Variants in CITED4 observed in about 807,000 individuals in gnomAD.
CITED4 encodes cbp/p300-interacting transactivator 4.
CITED4 carries 3 observed loss-of-function variants against 3.3 expected under a neutral mutation model. The ratio of observed to expected loss-of-function variants is 0.92; its 90% confidence interval spans 0.42 to 2.38. The LOEUF (loss-of-function observed/expected upper bound fraction) is 2.38, where lower values mean the gene tolerates loss of function less well. Ranked by LOEUF, CITED4 falls within the 30% of genes most tolerant of loss-of-function variation. The pLI, the probability that CITED4 is intolerant of heterozygous loss-of-function variation, is 0.05. For missense variants in CITED4, 333 were observed against 274.2 expected (o/e 1.21, Z -1.51); for synonymous variants, 167 against 145.8 (o/e 1.15, Z -1.05).
In CITED4 at chr1:40,862,023, G is replaced by T. The variant is rs1649396671; in HGVS notation, c.105C>A (p.Tyr35Ter). The stretch of plus-strand genomic sequence containing the variant: ...GCCCACTGTCCAGGCCCGGGCCCGC[G>T]TACGGCGGCAGAGTCCGGAGCGCAT... Reference protein sequence around the residue: ...GPHALRTLPPYAGPGLDSGLR... With the variant: ...GPHALRTLPP Residue 35 changes from tyrosine to a stop codon, truncating the protein, a stop_gained, in exon 1 of 1, where the codon TAC becomes TAA. Transcript: ENST00000372638. LOFTEE classifies it low-confidence loss of function (END_TRUNC). 7.7e-7 allele frequency: 1 copy of T among 1,303,856 alleles called. No homozygotes were observed. The highest frequency in any genetic ancestry group is 9.7e-7 in the Non-Finnish European group (1 of 1,025,672). The allele number at this position is 1,303,856 out of a possible 1,614,324, so 80.8% of individuals were successfully genotyped here.
rs1649370666 is a variant in CITED4, at chr1:40,861,442, G to C, written c.*131C>G. ...ACGCCAGGGTCCCAGTCCGGTGCCG[G>C]GCCCTGCGCACACAGCCGCCGCCTC... On this transcript the variant is annotated 3_prime_UTR_variant, in exon 1 of 1. Transcript: ENST00000372638. 2.3e-6 allele frequency: 1 copy of C among 430,724 alleles called. No homozygotes were observed. The highest frequency in any genetic ancestry group is 4.7e-5 in the Admixed American group (1 of 21,252). The allele number at this position is 430,724 out of a possible 1,614,324, so 26.7% of individuals were successfully genotyped here.
In CITED4 at chr1:40,861,630, C is replaced by T; in HGVS notation, c.498G>A (p.Glu166=). The T allele has an allele frequency of 1.3e-6, 2 of 1,499,218 alleles. No individual in the cohort carries two copies. The highest frequency in any genetic ancestry group is 1.8e-6 in the Non-Finnish European group (2 of 1,129,754). 92.9% of individuals were successfully genotyped at this position (1,499,218 alleles called of 1,614,324 possible). A position where few individuals can be genotyped will look rare whatever the true frequency, so the allele number is the denominator to read the frequency against. The change falls in exon 1 of 1, where the codon GAG becomes GAA. Residue 166 remains glutamate (E), a synonymous_variant. Coordinates refer to ENST00000372638, the MANE Select transcript of CITED4 (RefSeq NM_133467.3). The part of the protein sequence containing the change: ...ELPELFLGQS[E]FDCFSDLGSA... Reference sequence around the variant, plus strand: ...ACCCCAAGTCCGAGAAGCAGTCGAACTCGCTCTGGCCCAGGAAGAGCTCGG... The same window carrying T: ...ACCCCAAGTCCGAGAAGCAGTCGAATTCGCTCTGGCCCAGGAAGAGCTCGG...
In CITED4 at chr1:40,861,757, G is replaced by GGCGGCGGGGCT; in HGVS notation, c.360_370dup (p.Pro124GlnfsTer23). On this transcript the variant is annotated frameshift_variant, in exon 1 of 1. Coordinates refer to ENST00000372638, the MANE Select transcript of CITED4 (RefSeq NM_133467.3). LOFTEE classifies it high-confidence loss of function. The stretch of plus-strand genomic sequence containing the variant: ...CATGCCGCCCAGGGCGTGCGCGGGC[G>GGCGGCGGGGCT]GCGGCGGGGCTGCGGCGCTTGGCGC... The GGCGGCGGGGCT allele has an allele frequency of 8.0e-7, 1 of 1,243,990 alleles. No homozygotes were observed. The highest frequency in any genetic ancestry group is 1.0e-6 in the Non-Finnish European group (1 of 988,986). The allele number at this position is 1,243,990 out of a possible 1,614,324, so 77.1% of individuals were successfully genotyped here.
chr1:40,861,503 T>C lies in CITED4; in HGVS notation c.*70A>G, dbSNP rs1279612180. 10 of 1,009,690 alleles carry C rather than the reference T, an allele frequency of 9.9e-6. No individual in the cohort carries two copies. In the African/African-American group the frequency reaches 1.5e-4, roughly 16 times the overall value. The allele number at this position is 1,009,690 out of a possible 1,614,324, so 62.5% of individuals were successfully genotyped here. ...GAGGGCGCGCGCGGGGCCCAGTCGC[T>C]GGGTGCAGGGTCCGGCGGGCAGTCG... On this transcript the variant is annotated 3_prime_UTR_variant, in exon 1 of 1. Transcript: ENST00000372638.
Position 40,861,867 on chromosome 1 carries a change from C to T in CITED4, c.261G>A (p.Ala87=). 1 of 1,210,856 alleles carries T rather than the reference C, an allele frequency of 8.3e-7. No individual in the cohort carries two copies. The highest frequency in any genetic ancestry group is 1.0e-6 in the Non-Finnish European group (1 of 970,064). 75.0% of individuals were successfully genotyped at this position (1,210,856 alleles called of 1,614,324 possible). Residue 87 remains alanine (A), a synonymous_variant, in exon 1 of 1, where the codon GCG becomes GCA. Coordinates refer to ENST00000372638, the MANE Select transcript of CITED4 (RefSeq NM_133467.3). ...PAVPPPAAGI[A]HLQPVATPYP... ...ACGGCGTCGCCACAGGCTGCAGGTGCGCGATGCCCGCGGCCGGCGGAGGCA... is the reference window on the plus strand; with the variant it reads ...ACGGCGTCGCCACAGGCTGCAGGTGTGCGATGCCCGCGGCCGGCGGAGGCA...
Position 40,861,957 on chromosome 1 carries a change from G to T in CITED4, c.171C>A (p.Arg57=), listed in dbSNP as rs1649393344. The T allele has an allele frequency of 8.0e-7, 1 of 1,243,840 alleles. No individual in the cohort carries two copies. The highest frequency in any genetic ancestry group is 1.0e-6 in the Non-Finnish European group (1 of 993,836). The allele number at this position is 1,243,840 out of a possible 1,614,324, so 77.1% of individuals were successfully genotyped here. Residue 57 remains arginine (R), a synonymous_variant, in exon 1 of 1, where the codon CGC becomes CGA. Coordinates refer to ENST00000372638, the MANE Select transcript of CITED4 (RefSeq NM_133467.3). The part of the protein sequence containing the change: ...RGAPLGPPPP[R]QPGALAYGAF... Reference sequence around the variant, plus strand: ...CCCCGTACGCCAGGGCCCCGGGTTGGCGGGGCGGCGGCGGCCCCAGCGGAG... The same window carrying T: ...CCCCGTACGCCAGGGCCCCGGGTTGTCGGGGCGGCGGCGGCCCCAGCGGAG...
rs1649404781 is a variant in CITED4 at position 40,862,258 on chromosome 1, A to C, written c.-131T>G. 2.1e-6 allele frequency: 1 copy of C among 477,478 alleles called. No individual in the cohort carries two copies. 29.6% of individuals were successfully genotyped at this position (477,478 alleles called of 1,614,324 possible). A position where few individuals can be genotyped will look rare whatever the true frequency, so the allele number is the denominator to read the frequency against. On this transcript the variant is annotated 5_prime_UTR_variant, in exon 1 of 1. Transcript: ENST00000372638. The stretch of plus-strand genomic sequence containing the variant: ...TCCCTGCAGCTCGGCCGGGCGGAGC[A>C]AAACCAAACCCGACTGGTGCCCCGG...
rs1259070742 is a variant in CITED4, at chr1:40,861,293, G to C, written c.*280C>G. The C allele has an allele frequency of 2.2e-5, 5 of 223,210 alleles. No individual in the cohort carries two copies. Among genetic ancestry groups the C allele is most frequent in the Non-Finnish European group, 4.4e-5 (5 of 114,068 alleles). 13.8% of individuals were successfully genotyped at this position (223,210 alleles called of 1,614,324 possible). On this transcript the variant is annotated 3_prime_UTR_variant, in exon 1 of 1. Coordinates refer to ENST00000372638, the MANE Select transcript of CITED4 (RefSeq NM_133467.3). ...GGGAAGAGGGCGGCGAGGGGGAGAG[G>C]ACACGATCCAAGAACCAGAGTCCGA...
rs1649397715 is a variant in CITED4, at chr1:40,862,051, G to A, written c.77C>T (p.Pro26Leu). The A allele has an allele frequency of 1.5e-6, 2 of 1,321,920 alleles. No individual in the cohort carries two copies. Among genetic ancestry groups the A allele is most frequent in the Non-Finnish European group, 1.9e-6 (2 of 1,034,696 alleles). The allele number at this position is 1,321,920 out of a possible 1,614,324, so 81.9% of individuals were successfully genotyped here. A position where few individuals can be genotyped will look rare whatever the true frequency, so the allele number is the denominator to read the frequency against. ...CGGCGGCAGAGTCCGGAGCGCATGA[G>A]GGCCATGGGCGGCCGCGGCGGACGG... The part of the protein sequence containing the change: ...RPPSAAAAHG[P>L]HALRTLPPYA... Residue 26 changes from proline (P) to leucine (L), a missense_variant, in exon 1 of 1, where the codon CCT (proline) becomes CTT (leucine). Physicochemically the swap from Pro to Leu is moderately conservative, Grantham distance 98. Coordinates refer to ENST00000372638, the MANE Select transcript of CITED4 (RefSeq NM_133467.3).
chr1:40,861,656 G>T lies in CITED4; in HGVS notation c.472C>A (p.Pro158Thr). ...TCGCTCTGGCCCAGGAAGAGCTCGG[G>T]CAGCTCGCGCACGCGGTGCAGCCCG... is the stretch of plus-strand genomic sequence containing the variant. ...ELGLHRVREL[P>T]ELFLGQSEFD... is the part of the protein sequence containing the mutation. The change falls in exon 1 of 1, where the codon CCC becomes ACC. Residue 158 changes from proline to threonine, a missense_variant. Coordinates refer to ENST00000372638, the MANE Select transcript of CITED4 (RefSeq NM_133467.3). 6.6e-7 allele frequency: 1 copy of T among 1,504,414 alleles called. No individual in the cohort carries two copies. The highest frequency in any genetic ancestry group is 1.4e-5 in the African/African-American group (1 of 69,020). 93.2% of individuals were successfully genotyped at this position (1,504,414 alleles called of 1,614,324 possible).
rs1401704621 is a variant in CITED4, at chr1:40,862,065, CGCGGCGGACG to C, written c.53_62del (p.Pro18ArgfsTer24). ...GGAGCGCATGAGGGCCATGGGCGGCCGCGGCGGACGGCGGCCTCTGCACCAGGCGGTAGCC... is the reference window on the plus strand; with the variant it reads ...GGAGCGCATGAGGGCCATGGGCGGCCGCGGCCTCTGCACCAGGCGGTAGCC... On this transcript the variant is annotated frameshift_variant, in exon 1 of 1. Transcript: ENST00000372638. LOFTEE classifies it low-confidence loss of function (END_TRUNC). The C allele has an allele frequency of 3.8e-6, 5 of 1,323,208 alleles. No homozygotes were observed. Among genetic ancestry groups the C allele is most frequent in the African/African-American group, 1.5e-5 (1 of 64,822 alleles). The allele number at this position is 1,323,208 out of a possible 1,614,324, so 82.0% of individuals were successfully genotyped here. A position where few individuals can be genotyped will look rare whatever the true frequency, so the allele number is the denominator to read the frequency against.
Position 40,862,092 on chromosome 1 carries a change from G to A in CITED4, c.36C>T (p.Arg12=). 1 of 1,315,032 alleles carries A rather than the reference G, an allele frequency of 7.6e-7. No homozygotes were observed. The highest frequency in any genetic ancestry group is 9.7e-7 in the Non-Finnish European group (1 of 1,034,052). The allele number at this position is 1,315,032 out of a possible 1,614,324, so 81.5% of individuals were successfully genotyped here. A position where few individuals can be genotyped will look rare whatever the true frequency, so the allele number is the denominator to read the frequency against. ...ADHLMLAEGY[R]LVQRPPSAAA... ...CGGCGGACGGCGGCCTCTGCACCAG[G>A]CGGTAGCCCTCGGCGAGCATCAGGT... The change falls in exon 1 of 1, where the codon CGC becomes CGT. Residue 12 remains arginine, a synonymous_variant. Transcript: ENST00000372638.
At position 40,861,951 on chromosome 1, in the gene CITED4, G is replaced by T. The variant is rs1161753527; in HGVS notation, c.177C>A (p.Pro59=). ...APLGPPPPRQ[P]GALAYGAFGP... is the part of the protein sequence containing the mutation. Reference sequence around the variant, plus strand: ...CGAAGGCCCCGTACGCCAGGGCCCCGGGTTGGCGGGGCGGCGGCGGCCCCA... The same window carrying T: ...CGAAGGCCCCGTACGCCAGGGCCCCTGGTTGGCGGGGCGGCGGCGGCCCCA... Residue 59 remains proline, a synonymous_variant, in exon 1 of 1, where the codon CCC becomes CCA. Coordinates refer to ENST00000372638, the MANE Select transcript of CITED4 (RefSeq NM_133467.3). The T allele has an allele frequency of 3.2e-6, 4 of 1,244,798 alleles. No homozygotes were observed. Among genetic ancestry groups the T allele is most frequent in the Non-Finnish European group, 4.0e-6 (4 of 994,190 alleles). The allele number at this position is 1,244,798 out of a possible 1,614,324, so 77.1% of individuals were successfully genotyped here. A position where few individuals can be genotyped will look rare whatever the true frequency, so the allele number is the denominator to read the frequency against.
Position 40,862,026 on chromosome 1 carries a change from C to G in CITED4, c.102G>C (p.Pro34=). The stretch of plus-strand genomic sequence containing the variant: ...CACTGTCCAGGCCCGGGCCCGCGTA[C>G]GGCGGCAGAGTCCGGAGCGCATGAG... ...HGPHALRTLP[P]YAGPGLDSGL... is the part of the protein sequence containing the mutation. The change falls in exon 1 of 1, where the codon CCG becomes CCC. Residue 34 remains proline (P), a synonymous_variant. Coordinates refer to ENST00000372638, the MANE Select transcript of CITED4 (RefSeq NM_133467.3). 7.7e-7 allele frequency: 1 copy of G among 1,305,476 alleles called. No homozygotes were observed. The highest frequency in any genetic ancestry group is 9.7e-7 in the Non-Finnish European group (1 of 1,026,288). 80.9% of individuals were successfully genotyped at this position (1,305,476 alleles called of 1,614,324 possible).
At position 40,862,139 on chromosome 1, in the gene CITED4, G is replaced by C. The variant is rs1173559732; in HGVS notation, c.-12C>G. ...AGGTGGTCGGCCATGGCGGCAGGCC[G>C]GCTGCCTGCGGGGACAGCGCGCGGT... On this transcript the variant is annotated 5_prime_UTR_variant, in exon 1 of 1. Transcript: ENST00000372638. 1.6e-6 allele frequency: 2 copies of C among 1,267,450 alleles called. No individual in the cohort carries two copies. The highest frequency in any genetic ancestry group is 2.0e-6 in the Non-Finnish European group (2 of 1,007,626). The allele number at this position is 1,267,450 out of a possible 1,614,324, so 78.5% of individuals were successfully genotyped here.
In CITED4 at chr1:40,862,353, G is replaced by A. The variant is rs917170099; in HGVS notation, c.-226C>T. The A allele has an allele frequency of 1.6e-5, 5 of 321,636 alleles. No homozygotes were observed. Among genetic ancestry groups the A allele is most frequent in the African/African-American group, 6.5e-5 (3 of 46,004 alleles). 19.9% of individuals were successfully genotyped at this position (321,636 alleles called of 1,614,324 possible). ...AAAGGCCCGCAACCTGTAGTGCTCCGAAACCTCCGCGTCGCGTAGCTGGGC... is the reference window on the plus strand; with the variant it reads ...AAAGGCCCGCAACCTGTAGTGCTCCAAAACCTCCGCGTCGCGTAGCTGGGC... On this transcript the variant is annotated 5_prime_UTR_variant, in exon 1 of 1. Transcript: ENST00000372638.
In CITED4 at chr1:40,862,258, A is replaced by AT. The variant is rs576287844; in HGVS notation, c.-132_-131insA. 358 of 477,588 alleles carry AT rather than the reference A, an allele frequency of 7.5e-4. 1 individual carries two copies. Among genetic ancestry groups the AT allele is most frequent in the African/African-American group, 6.5e-3 (318 of 49,100 alleles). The allele number at this position is 477,588 out of a possible 1,614,324, so 29.6% of individuals were successfully genotyped here. Reference sequence around the variant, plus strand: ...TCCCTGCAGCTCGGCCGGGCGGAGCAAAACCAAACCCGACTGGTGCCCCGG... The same window carrying AT: ...TCCCTGCAGCTCGGCCGGGCGGAGCATAAACCAAACCCGACTGGTGCCCCGG... On this transcript the variant is annotated 5_prime_UTR_variant, in exon 1 of 1. The change creates a new upstream start codon in the 5' untranslated region. Coordinates refer to ENST00000372638, the MANE Select transcript of CITED4 (RefSeq NM_133467.3).
In CITED4 at chr1:40,861,780, C is replaced by G; in HGVS notation, c.348G>C (p.Ala116=). ...APGGPPGPQP[A]PSAAAPPPPA... ...GCGGCGGCGGGGCTGCGGCGCTTGG[C>G]GCCGGCTGCGGGCCCGGGGGGCCTC... The change falls in exon 1 of 1, where the codon GCG becomes GCC. Residue 116 remains alanine (A), a synonymous_variant. Coordinates refer to ENST00000372638, the MANE Select transcript of CITED4 (RefSeq NM_133467.3). The G allele has an allele frequency of 2.6e-6, 3 of 1,148,820 alleles. No homozygotes were observed. The highest frequency in any genetic ancestry group is 1.1e-6 in the Non-Finnish European group (1 of 932,242). 71.2% of individuals were successfully genotyped at this position (1,148,820 alleles called of 1,614,324 possible).
In CITED4 at chr1:40,861,819, GGGCGCGGCCGCGCGGCCGGGGTAC is replaced by G. The variant is rs1649385874; in HGVS notation, c.285_308del (p.Tyr96_Pro103del). The G allele has an allele frequency of 9.1e-7, 1 of 1,099,168 alleles. No individual in the cohort carries two copies. Among genetic ancestry groups the G allele is most frequent in the Non-Finnish European group, 1.1e-6 (1 of 905,334 alleles). 68.1% of individuals were successfully genotyped at this position (1,099,168 alleles called of 1,614,324 possible). ...CCGGGGGGCCTCCCGGAGCGTTGGG[GGGCGCGGCCGCGCGGCCGGGGTAC>G]GGCGTCGCCACAGGCTGCAGGTGCG... is the stretch of plus-strand genomic sequence containing the variant. On this transcript the variant is annotated inframe_deletion, in exon 1 of 1. Transcript: ENST00000372638.
Sources: allele counts gnomAD v4.1 joint callset, GRCh38; gene constraint gnomAD v4.1.1; transcripts MANE v1.5; gene names NCBI Gene and HGNC (gene_info 2026-07-23, HGNC 2026-07-21).